GFRA1: variants seen among roughly 807,000 people sequenced by gnomAD.
The protein encoded by GFRA1 is GDNF family receptor alpha 1.
GFRA1 carries 16 observed loss-of-function variants against 51.6 expected under a neutral mutation model. The observed-to-expected ratio is 0.31, with a 90% CI of 0.21 to 0.47. The LOEUF (loss-of-function observed/expected upper bound fraction) is 0.47. GFRA1 is among the 20% of genes least tolerant of loss of function. The pLI is 1.00. For synonymous variants in GFRA1, 270 were observed against 241.3 expected (o/e 1.12, Z -1.10); for missense variants, 530 against 594.3 (o/e 0.89, Z 1.13).
At chr10:116,273,108 G>C (rs1192906977) in intron 1 of GFRA1, 55 bp downstream of exon 1, 1 of 152,132 alleles carries the variant, frequency 6.6e-6, no homozygotes, top group East Asian at 1.9e-4. Flanking sequence ...GAAGAGGGAC[G>C]GGAAGCGGCA....
intron 8 of GFRA1, among the ~76,000 whole-genome samples, chr10:116,091,997 A>ATCTT (rs1440505493): frequency 6.6e-6 from 1 of 152,114 alleles, no homozygotes; most frequent in African/African-American, 2.4e-5. Context: ...CATGAGCAAA[A>ATCTT]TCTTTTCTTG....
At chr10:116,135,961 C>T (rs1487017433) in intron 5 of GFRA1, among the ~76,000 whole-genome samples, 2 of 152,082 alleles carry the variant, frequency 1.3e-5, no homozygotes, top group Non-Finnish European at 2.9e-5. Context: ...ATGAAATTTG[C>T]TATTACATGT....
At chr10:116,260,813 TCA>T (rs2134757813) in intron 4 of GFRA1, among the ~76,000 whole-genome samples, 1 of 152,324 alleles carries the variant, frequency 6.6e-6, no homozygotes, top group Non-Finnish European at 1.5e-5. Context: ...TGCAAATTAC[TCA>T]TTCATTTTCA....
intron 9 of GFRA1, among the ~76,000 whole-genome samples, chr10:116,081,851 T>A (rs1589770929): frequency 6.6e-6 from 1 of 152,346 alleles, no homozygotes; most frequent in African/African-American, 2.4e-5. Context: ...TATTTATATA[T>A]TGATTTTAAT....
intron 5 of GFRA1, among the ~76,000 whole-genome samples, chr10:116,170,335 C>T (rs562027057): frequency 8.5e-4 from 129 of 152,316 alleles, no homozygotes; most frequent in Non-Finnish European, 1.5e-3. Flanking sequence ...TCCATTCTCT[C>T]TCTGGGTTAC....
At chr10:116,138,098 G>A (rs1296505520) in intron 5 of GFRA1, among the ~76,000 whole-genome samples, 1 of 152,160 alleles carries the variant, frequency 6.6e-6, no homozygotes, top group African/African-American at 2.4e-5. Flanking sequence ...ACCGCGCCCG[G>A]CCTGTATGTA....
In GFRA1 at chr10:116,270,907, C is replaced by A; in HGVS notation, c.249G>T (p.Ser83=). 6.2e-7 allele frequency: 1 copy of A among 1,614,112 alleles called. No homozygotes were observed. The highest frequency in any genetic ancestry group is 1.1e-5 in the South Asian group (1 of 91,088). ...CCCGCTTGCAGCGGCAGTTGTAGAG[C>A]GACTTCTGCTTCAGGGCCTCCATGG... ...RSAMEALKQK[S]LYNCRCKRGM... Residue 83 remains serine (S), a synonymous_variant, in exon 3 of 11, where the codon TCG becomes TCT. Coordinates refer to ENST00000355422, the MANE Select transcript of GFRA1 (RefSeq NM_005264.8).
intron 7 of GFRA1, among the ~76,000 whole-genome samples, chr10:116,096,335 AC>A (rs1044828564): frequency 6.6e-5 from 10 of 152,032 alleles, no homozygotes; most frequent in African/African-American, 2.2e-4. Context: ...CCATAACCAA[AC>A]ATTTTTTCTC....
chr10:116,232,087 T>A (rs1022765348), intron 4 of GFRA1, among the ~76,000 whole-genome samples: 3 of 152,204 alleles, frequency 2.0e-5, no homozygotes, highest in Non-Finnish European at 4.4e-5. Context: ...CAACAAAAAA[T>A]CTGATAATTC....
intron 5 of GFRA1, among the ~76,000 whole-genome samples, chr10:116,204,267 C>A (rs753520227): frequency 1.3e-5 from 2 of 152,180 alleles, no homozygotes; most frequent in African/African-American, 4.8e-5. Context: ...GGGTTAGAGT[C>A]GAACACATCA....
intron 4 of GFRA1, among the ~76,000 whole-genome samples, chr10:116,266,873 G>A (rs1298423812): frequency 6.6e-6 from 1 of 152,208 alleles, no homozygotes; most frequent in Non-Finnish European, 1.5e-5. Context: ...TTCTAGAGAT[G>A]AGCCCAACCT....
chr10:116,093,945 ACATTG>A (rs1956467264), intron 7 of GFRA1, 109 bp from the exon 8 acceptor site: 1 of 1,032,052 alleles, frequency 9.7e-7, no homozygotes, highest in South Asian at 1.3e-5. Flanking sequence ...ATAATTACAG[ACATTG>A]TATTTGCTGA....
At chr10:116,126,223 A>G (rs1957868190) in intron 5 of GFRA1, among the ~76,000 whole-genome samples, 1 of 152,264 alleles carries the variant, frequency 6.6e-6, no homozygotes, top group Admixed American at 6.5e-5. Flanking sequence ...CGTGGGCTCT[A>G]TGAGTACTGA....
At chr10:116,146,194 G>A (rs10885864) in intron 5 of GFRA1, among the ~76,000 whole-genome samples, 27,259 of 152,066 alleles carry the variant, frequency 0.18, 2,503 homozygotes, top group African/African-American at 0.2. Context: ...GAGAGAAACA[G>A]AATTCACTAT....
At chr10:116,156,638 C>T (rs1225244664) in intron 5 of GFRA1, among the ~76,000 whole-genome samples, 3 of 152,042 alleles carry the variant, frequency 2.0e-5, no homozygotes, top group Non-Finnish European at 4.4e-5. Context: ...AATCTGATTC[C>T]AATTAAATGG....
chr10:116,130,490 C>G (rs1168674454), intron 5 of GFRA1, among the ~76,000 whole-genome samples: 3 of 152,062 alleles, frequency 2.0e-5, no homozygotes, highest in Non-Finnish European at 4.4e-5. Flanking sequence ...AGGATTCACA[C>G]TAACCTTTCT....
intron 9 of GFRA1, among the ~76,000 whole-genome samples, chr10:116,086,647 C>T (rs1956111392): frequency 6.6e-6 from 1 of 152,138 alleles, no homozygotes; most frequent in African/African-American, 2.4e-5. Flanking sequence ...TAAGGGCTCC[C>T]TGGGAGTCAA....
At chr10:116,111,414 G>A (rs1957206503) in intron 6 of GFRA1, among the ~76,000 whole-genome samples, 1 of 152,182 alleles carries the variant, frequency 6.6e-6, no homozygotes, top group African/African-American at 2.4e-5. Context: ...AGCCCTTCCA[G>A]TGGTCCCCAC....
intron 4 of GFRA1, among the ~76,000 whole-genome samples, chr10:116,212,560 A>ACG (rs1483928922): frequency 7.0e-6 from 1 of 143,154 alleles, no homozygotes. Flanking sequence ...ACACACACAC[A>ACG]CACACATCTA....
Sources: allele counts gnomAD v4.1 joint callset (sites outside exome capture counted in the v4.1 genomes callset), GRCh38; gene constraint gnomAD v4.1.1; transcripts MANE v1.5; gene names NCBI Gene and HGNC (gene_info 2026-07-23, HGNC 2026-07-21).